Variants in SMURF1 observed in about 807,000 individuals in gnomAD.
SMURF1 encodes SMAD specific E3 ubiquitin protein ligase 1, also known as E3 ubiquitin-protein ligase SMURF1.
SMURF1 carries 44 observed loss-of-function variants against 98.0 expected under a neutral mutation model. The observed-to-expected ratio is 0.45, with a 90% CI of 0.35 to 0.58. SMURF1 has a LOEUF of 0.58. SMURF1 is among the 20% of genes least tolerant of loss of function. The pLI is 0.00. For missense variants in SMURF1, 687 were observed against 938.4 expected (o/e 0.73, Z 3.50); for synonymous variants, 396 against 374.9 (o/e 1.06, Z -0.65).
intron 17 of SMURF1, chr7:99,032,819 A>G (rs1221118334): frequency 4.2e-6 from 3 of 707,308 alleles, no homozygotes; most frequent in East Asian, 2.5e-5. Context: ...CAGTGTCGTA[A>G]TGTCGGGGGG....
intron 1 of SMURF1, among the ~76,000 whole-genome samples, chr7:99,080,529 C>A (rs886176289): frequency 6.6e-6 from 1 of 152,166 alleles, no homozygotes; most frequent in Admixed American, 6.5e-5. Context: ...GAACTCCCAA[C>A]CTCAGGTGAT....
chr7:99,126,008 A>G (rs1415029607), intron 1 of SMURF1, among the ~76,000 whole-genome samples: 1 of 152,166 alleles, frequency 6.6e-6, no homozygotes, highest in East Asian at 1.9e-4. Flanking sequence ...CAGCCCACCC[A>G]GATCTTTCTA....
intron 1 of SMURF1, among the ~76,000 whole-genome samples, chr7:99,093,235 T>C (rs558255397): frequency 6.6e-6 from 1 of 152,342 alleles, no homozygotes; most frequent in South Asian, 2.1e-4. Flanking sequence ...AGGTTTCGTG[T>C]TCTCTGAAAT....
chr7:99,039,468 C>G (rs1226158984), intron 13 of SMURF1, among the ~76,000 whole-genome samples: 1 of 151,988 alleles, frequency 6.6e-6, no homozygotes, highest in Non-Finnish European at 1.5e-5. Flanking sequence ...GCCTCAGCCT[C>G]CTGAGTAGCT....
chr7:99,036,477 CAAAAAAAAA>C (rs11341707), intron 15 of SMURF1: 1 of 73,966 alleles, frequency 1.4e-5, no homozygotes, highest in Non-Finnish European at 2.8e-5. Flanking sequence ...GACCGTGTCT[CAAAAAAAAA>C]AAAAAAAAAA....
intron 1 of SMURF1, among the ~76,000 whole-genome samples, chr7:99,062,597 C>T (rs7807230): frequency 0.3 from 45,264 of 151,970 alleles, 6,985 homozygotes; most frequent in South Asian, 0.46. Context: ...GCCTGTAATC[C>T]CAGTACTTTG....
intron 11 of SMURF1, among the ~76,000 whole-genome samples, chr7:99,043,439 C>T (rs776731906): frequency 5.9e-5 from 9 of 152,096 alleles, no homozygotes; most frequent in Non-Finnish European, 1.3e-4. Context: ...CTGGAGGTGG[C>T]AGAGCAGAGA....
Position 99,030,650 on chromosome 7 carries a change from G to T in SMURF1, c.2130C>A (p.Ser710=), listed in dbSNP as rs1164868084. The T allele has an allele frequency of 6.2e-7, 1 of 1,614,150 alleles. No individual in the cohort carries two copies. Residue 710 remains serine, a synonymous_variant, in exon 18 of 18, where the codon TCC becomes TCA. Transcript: ENST00000361368. ...FNRIDIPPYE[S]YEKLYEKLLT... ...GCAGCTTCTCGTAGAGCTTCTCATAGGACTCATATGGTGGAATGTCGATCC... is the reference window on the plus strand; with the variant it reads ...GCAGCTTCTCGTAGAGCTTCTCATATGACTCATATGGTGGAATGTCGATCC...
At chr7:99,102,034 T>C (rs1031722792) in intron 1 of SMURF1, among the ~76,000 whole-genome samples, 2 of 152,194 alleles carry the variant, frequency 1.3e-5, no homozygotes, top group South Asian at 2.1e-4. Flanking sequence ...TAATGTGATA[T>C]TATGATGCAC....
At chr7:99,140,281 CTTT>C (rs11421940) in intron 1 of SMURF1, among the ~76,000 whole-genome samples, 2 of 85,816 alleles carry the variant, frequency 2.3e-5, no homozygotes, top group African/African-American at 4.6e-5. Flanking sequence ...CTTCAGTATC[CTTT>C]TTTTTTTTTT....
intron 9 of SMURF1, 54 bp from the exon 10 acceptor site, chr7:99,047,936 CA>C: frequency 1.9e-6 from 3 of 1,548,970 alleles, no homozygotes; most frequent in Admixed American, 1.7e-5. Flanking sequence ...AGGGGAGCTG[CA>C]AGCACCCACG....
chr7:99,053,683 A>G (rs1795814170), intron 6 of SMURF1, among the ~76,000 whole-genome samples: 1 of 152,196 alleles, frequency 6.6e-6, no homozygotes, highest in African/African-American at 2.4e-5. Flanking sequence ...GCCGTGAGAC[A>G]CATTCCTGGT....
chr7:99,037,038 T>G (rs769872975), intron 15 of SMURF1, 29 bp downstream of exon 15: 113 of 1,612,706 alleles, frequency 7.0e-5, no homozygotes, highest in Non-Finnish European at 8.8e-5. Context: ...AGGGACGCCC[T>G]GGGTCGACTC....
intron 5 of SMURF1, among the ~76,000 whole-genome samples, chr7:99,055,458 ACT>A (rs991723274): frequency 2.0e-5 from 3 of 151,342 alleles, no homozygotes; most frequent in Non-Finnish European, 2.9e-5. Flanking sequence ...ACAGAGTGAG[ACT>A]CTGTCTCCAA....
chr7:99,039,684 ACCTGATCCCCAGAGTC>A (rs1315868204), intron 13 of SMURF1, among the ~76,000 whole-genome samples: 1 of 152,084 alleles, frequency 6.6e-6, no homozygotes, highest in Non-Finnish European at 1.5e-5. Flanking sequence ...AAGATTTTCT[ACCTGATCCCCAGAGTC>A]CCCTGTTCAA....
chr7:99,054,414 C>G (rs889408207), intron 6 of SMURF1, among the ~76,000 whole-genome samples: 2 of 152,164 alleles, frequency 1.3e-5, no homozygotes, highest in Non-Finnish European at 2.9e-5. Flanking sequence ...TCAAGCAATT[C>G]TCCTGCCTCA....
chr7:99,033,666 C>T (rs919122181), intron 16 of SMURF1, among the ~76,000 whole-genome samples: 1 of 152,218 alleles, frequency 6.6e-6, no homozygotes, highest in Non-Finnish European at 1.5e-5. Context: ...TAAGGCCCCC[C>T]CTAAAGTGCA....
rs1796842525 is a variant in SMURF1 at position 99,092,757 on chromosome 7, T to G, written c.56-30920A>C. Reference sequence around the variant, plus strand: ...GTGCTGTTCGTTGTGAGTTCAATGTTAATGAATCCACGATATATAGTGAGT... The same window carrying G: ...GTGCTGTTCGTTGTGAGTTCAATGTGAATGAATCCACGATATATAGTGAGT... On this transcript the variant is annotated intron_variant, in intron 1 of 17. Coordinates refer to ENST00000361368, the MANE Select transcript of SMURF1 (RefSeq NM_181349.3). Among the ~76,000 whole-genome samples, 5 of 152,192 alleles carry G rather than the reference T, an allele frequency of 3.3e-5. No individual in the cohort carries two copies. In the South Asian group the frequency reaches 1.0e-3, roughly 31 times the overall value.
chr7:99,042,109 C>T lies in SMURF1; in HGVS notation c.1371+9G>A. ...TCAATTCCCTACCTCTTTGTTCATTCATACTTACGGGGTTGATTGAAGAAT... is the reference window on the plus strand; with the variant it reads ...TCAATTCCCTACCTCTTTGTTCATTTATACTTACGGGGTTGATTGAAGAAT... On this transcript the variant is annotated intron_variant, in intron 12 of 17. Coordinates refer to ENST00000361368, the MANE Select transcript of SMURF1 (RefSeq NM_181349.3). 1 of 1,601,732 alleles carries T rather than the reference C, an allele frequency of 6.2e-7. No individual in the cohort carries two copies. Among genetic ancestry groups the T allele is most frequent in the Non-Finnish European group, 8.6e-7 (1 of 1,169,296 alleles).
Sources: gnomAD v4.1 joint callset for allele counts (sites outside exome capture counted in the v4.1 genomes callset) on GRCh38, gnomAD v4.1.1 for gene constraint, MANE v1.5 for transcripts, NCBI Gene and HGNC (gene_info 2026-07-23, HGNC 2026-07-21) for gene names.